Variants in CUL1 observed in about 807,000 individuals in gnomAD.
CUL1 encodes cullin-1.
CUL1 carries 24 observed loss-of-function variants against 118.0 expected under a neutral mutation model. The observed-to-expected ratio is 0.20, with a 90% CI of 0.15 to 0.29. The LOEUF (loss-of-function observed/expected upper bound fraction) is 0.29, where lower values mean the gene tolerates loss of function less well. Among genes scored for constraint, CUL1 ranks in the 10% least tolerant of loss-of-function variants. CUL1 has a pLI of 1.00. For missense variants in CUL1, 361 were observed against 933.8 expected, an observed-to-expected ratio of 0.39 and a Z score of 7.99; for synonymous variants, 332 against 340.4, an observed-to-expected ratio of 0.98 and a Z score of 0.27.
intron 2 of CUL1, among the ~76,000 whole-genome samples, chr7:148,743,891 C>T (rs1799224353): frequency 6.6e-6 from 1 of 152,168 alleles, no homozygotes; most frequent in Admixed American, 6.5e-5. Flanking sequence ...CACTGCACTC[C>T]AGCCTAGGTG....
chr7:148,772,383 C>G (rs764591249), intron 9 of CUL1, among the ~76,000 whole-genome samples: 5 of 151,592 alleles, frequency 3.3e-5, no homozygotes, highest in Non-Finnish European at 5.9e-5. Context: ...CTGCTGCACT[C>G]CAGCCTGGGT....
In CUL1 at chr7:148,720,172, ACGCAG is replaced by A. The variant is rs201939451; in HGVS notation, c.-161-9787_-161-9783del. ...GGTGCCATGGGTGTGGGTAAATAAA[ACGCAG>A]CGTATAGAAGAAGGTCCCTGCAGTT... On this transcript the variant is annotated intron_variant, in intron 1 of 21. Transcript: ENST00000325222. 4.3e-3 allele frequency among the ~76,000 whole-genome samples: 657 copies of A among 152,300 alleles called. 6 individuals carry two copies. Among genetic ancestry groups the A allele is most frequent in the African/African-American group, 0.015 (628 of 41,560 alleles).
chr7:148,791,554 T>C (rs1459540279), intron 16 of CUL1, among the ~76,000 whole-genome samples: 1 of 152,224 alleles, frequency 6.6e-6, no homozygotes, highest in African/African-American at 2.4e-5. Flanking sequence ...TTTTTGACGG[T>C]GGAGGCTTTG....
chr7:148,757,176 T>C (rs763395582), intron 4 of CUL1, 26 bp downstream of exon 4: 1 of 1,394,346 alleles, frequency 7.2e-7, no homozygotes, highest in South Asian at 1.9e-5. Flanking sequence ...TAAAACGTTT[T>C]AAATTTGTTT....
chr7:148,701,497 G>A (rs574803535), intron 1 of CUL1, among the ~76,000 whole-genome samples: 1 of 152,228 alleles, frequency 6.6e-6, no homozygotes, highest in African/African-American at 2.4e-5. Flanking sequence ...AGGTGTGGAT[G>A]TTTTTACTTT....
intron 2 of CUL1, among the ~76,000 whole-genome samples, 155 bp downstream of exon 2, chr7:148,730,417 G>C (rs1798722190): frequency 6.6e-6 from 1 of 152,202 alleles, no homozygotes; most frequent in East Asian, 1.9e-4. Flanking sequence ...TTTGAACAGA[G>C]TAGAACTGGT....
At chr7:148,781,079 A>ATTTTTTTTTTTTTTTTTT (rs1197920664) in intron 9 of CUL1, among the ~76,000 whole-genome samples, 5 of 93,732 alleles carry the variant, frequency 5.3e-5, no homozygotes, top group Non-Finnish European at 9.6e-5. Context: ...TCAAGGCCAG[A>ATTTTTTTTTTTTTTTTTT]TTTTTTTTTT....
chr7:148,781,700 G>T (rs1475678975), intron 9 of CUL1, among the ~76,000 whole-genome samples: 2 of 152,182 alleles, frequency 1.3e-5, no homozygotes, highest in African/African-American at 4.8e-5. Flanking sequence ...GCAAGCAAGA[G>T]CGTGAGTAAG....
chr7:148,798,119 G>T, intron 19 of CUL1, 100 bp downstream of exon 19: 1 of 680,812 alleles, frequency 1.5e-6, no homozygotes. Flanking sequence ...GGGAGACCGG[G>T]GACTCAGTGT....
At chr7:148,749,415 C>CAAAAAAAAAAAAA (rs61460309) in intron 2 of CUL1, among the ~76,000 whole-genome samples, 2 of 56,448 alleles carry the variant, frequency 3.5e-5, no homozygotes, top group Non-Finnish European at 6.5e-5. Flanking sequence ...GACTCCATCT[C>CAAAAAAAAAAAAA]AAAAAAAAAA....
chr7:148,760,953 C>T (rs1346303141), intron 7 of CUL1, among the ~76,000 whole-genome samples: 4 of 152,144 alleles, frequency 2.6e-5, no homozygotes, highest in Admixed American at 6.5e-5. Context: ...TATGAGAGGA[C>T]GGCTGTCCTC....
At chr7:148,706,233 C>T (rs1162162500) in intron 1 of CUL1, among the ~76,000 whole-genome samples, 1 of 152,204 alleles carries the variant, frequency 6.6e-6, no homozygotes, top group Non-Finnish European at 1.5e-5. Context: ...CAAAAGACTT[C>T]TGGACCCAAG....
At chr7:148,721,187 G>T (rs1798384466) in intron 1 of CUL1, among the ~76,000 whole-genome samples, 1 of 152,152 alleles carries the variant, frequency 6.6e-6, no homozygotes, top group Admixed American at 6.5e-5. Flanking sequence ...AGAGAACATA[G>T]CATGTTCCAT....
intron 1 of CUL1, among the ~76,000 whole-genome samples, chr7:148,711,942 C>G (rs781611999): frequency 1.3e-5 from 2 of 152,166 alleles, no homozygotes; most frequent in African/African-American, 4.8e-5. Context: ...GTGGACCTCA[C>G]GTGCACACCT....
At chr7:148,733,941 G>C (rs1421070212) in intron 2 of CUL1, among the ~76,000 whole-genome samples, 1 of 151,888 alleles carries the variant, frequency 6.6e-6, no homozygotes, top group Non-Finnish European at 1.5e-5. Context: ...TGTGGTTGCT[G>C]TAGCAGAGAG....
chr7:148,799,846 C>T (rs1801330029), intron 21 of CUL1, among the ~76,000 whole-genome samples: 1 of 152,224 alleles, frequency 6.6e-6, no homozygotes, highest in Non-Finnish European at 1.5e-5. Context: ...TATCGAGAAG[C>T]ACTGGGTCGT....
At chr7:148,769,779 C>T (rs1325319349) in intron 9 of CUL1, among the ~76,000 whole-genome samples, 1 of 152,014 alleles carries the variant, frequency 6.6e-6, no homozygotes, top group Non-Finnish European at 1.5e-5. Context: ...CCTATAGTCC[C>T]AGCTACTCAG....
Position 148,710,330 on chromosome 7 carries a change from G to A in CUL1, c.-162+11301G>A, listed in dbSNP as rs550502584. 7.9e-4 allele frequency among the ~76,000 whole-genome samples: 121 copies of A among 152,202 alleles called. 1 individual carries two copies. The highest frequency in any genetic ancestry group is 1.3e-3 in the Non-Finnish European group (86 of 68,022). ...TACGCCTGTAATCCCAGCACTTTGG[G>A]AGGCCAAGGCGAGCGGATCACCTGA... On this transcript the variant is annotated intron_variant, in intron 1 of 21. Transcript: ENST00000325222.
Position 148,720,026 on chromosome 7 carries a change from C to T in CUL1, c.-161-9936C>T, listed in dbSNP as rs149344271. Among the ~76,000 whole-genome samples the T allele has an allele frequency of 5.0e-3, 757 of 152,308 alleles. 2 individuals carry two copies. The highest frequency in any genetic ancestry group is 0.01 in the Middle Eastern group (3 of 294). On this transcript the variant is annotated intron_variant, in intron 1 of 21. Coordinates refer to ENST00000325222, the MANE Select transcript of CUL1 (RefSeq NM_003592.3). ...AATATACTTACTGTGAGGAGTAAAT[C>T]AGTGAAAGCATTAAAGCTGTTGTAC...
Sources: gnomAD v4.1 joint callset for allele counts (sites outside exome capture counted in the v4.1 genomes callset) on GRCh38, gnomAD v4.1.1 for gene constraint, MANE v1.5 for transcripts, NCBI Gene and HGNC (gene_info 2026-07-23, HGNC 2026-07-21) for gene names.